Variants in RNGTT observed in about 807,000 individuals in gnomAD.
RNGTT encodes the protein mRNA-capping enzyme.
Under a neutral mutation model 79.3 loss-of-function variants are expected in RNGTT, and 33 were observed. That is an observed-to-expected ratio of 0.42 (90% confidence interval 0.32 to 0.56). The LOEUF (loss-of-function observed/expected upper bound fraction) is 0.56. RNGTT is among the 20% of genes least tolerant of loss of function. RNGTT has a pLI of 0.17. For missense variants in RNGTT, 497 were observed against 739.1 expected, an observed-to-expected ratio of 0.67 and a Z score of 3.80; for synonymous variants, 222 against 235.9, an observed-to-expected ratio of 0.94 and a Z score of 0.54.
intron 11 of RNGTT, among the ~76,000 whole-genome samples, chr6:88,819,731 T>C (rs1200579862): frequency 6.6e-6 from 1 of 152,108 alleles, no homozygotes; most frequent in Non-Finnish European, 1.5e-5. Context: ...ACTGACATTC[T>C]CTTCCACTCT....
chr6:88,926,049 T>G (rs1784309618), intron 4 of RNGTT, among the ~76,000 whole-genome samples: 1 of 152,228 alleles, frequency 6.6e-6, no homozygotes, highest in African/African-American at 2.4e-5. Flanking sequence ...GATTCTGTCT[T>G]TGGTGATATA....
chr6:88,771,313 GTGTATATATATATATATA>G (rs1324449861), intron 12 of RNGTT, among the ~76,000 whole-genome samples: 5 of 47,710 alleles, frequency 1.0e-4, no homozygotes, highest in African/African-American at 3.5e-4. Context: ...ATGTGTGTGT[GTGTATATATATATATATA>G]TATATATATA....
chr6:88,791,053 T>C (rs375375784), intron 12 of RNGTT, among the ~76,000 whole-genome samples: 15 of 152,142 alleles, frequency 9.9e-5, no homozygotes, highest in African/African-American at 3.6e-4. Flanking sequence ...AAAGAGACTT[T>C]GGTGGTATGA....
intron 13 of RNGTT, among the ~76,000 whole-genome samples, chr6:88,703,937 T>C (rs1013583602): frequency 6.6e-6 from 1 of 152,054 alleles, no homozygotes; most frequent in Non-Finnish European, 1.5e-5. Flanking sequence ...CAAACTTGCA[T>C]AGAGGCCAGT....
chr6:88,680,739 T>C (rs1775063089), intron 13 of RNGTT, among the ~76,000 whole-genome samples: 2 of 134,258 alleles, frequency 1.5e-5, no homozygotes, highest in Non-Finnish European at 3.2e-5. Flanking sequence ...CAAAACTCTA[T>C]CTCAAAAAAA....
chr6:88,845,020 G>GA (rs1405140707), intron 10 of RNGTT, among the ~76,000 whole-genome samples: 1 of 151,990 alleles, frequency 6.6e-6, no homozygotes, highest in African/African-American at 2.4e-5. Flanking sequence ...TTTTAAAATA[G>GA]AAAAAATATA....
At chr6:88,701,992 A>G (rs1775964346) in intron 13 of RNGTT, among the ~76,000 whole-genome samples, 1 of 152,152 alleles carries the variant, frequency 6.6e-6, no homozygotes, top group Admixed American at 6.5e-5. Flanking sequence ...AAAAAAACCT[A>G]TGAATACATC....
rs1222153127 is a variant in RNGTT, at chr6:88,879,239, CA to C, written c.896+11255del. Among the ~76,000 whole-genome samples the C allele has an allele frequency of 2.6e-5, 4 of 152,092 alleles. No individual in the cohort carries two copies. The East Asian group carries it at 7.7e-4, about 29-fold the overall frequency. On this transcript the variant is annotated intron_variant, in intron 8 of 15. Coordinates refer to ENST00000369485, the MANE Select transcript of RNGTT (RefSeq NM_003800.5). ...TGAAACCCTGTCTCTACTAAAAATG[CA>C]AAAAATAGACAGGTGTGGTGGCATG...
At chr6:88,925,879 T>C (rs1784303852) in intron 4 of RNGTT, among the ~76,000 whole-genome samples, 1 of 152,122 alleles carries the variant, frequency 6.6e-6, no homozygotes, top group Non-Finnish European at 1.5e-5. Flanking sequence ...CAAGACCCTG[T>C]CTCTTAAAAA....
chr6:88,856,729 G>T, intron 8 of RNGTT, among the ~76,000 whole-genome samples: 1 of 151,974 alleles, frequency 6.6e-6, no homozygotes, highest in African/African-American at 2.4e-5. Context: ...ATGTTCTTTT[G>T]TTATGCGATA....
intron 4 of RNGTT, among the ~76,000 whole-genome samples, chr6:88,927,870 T>C (rs2127952981): frequency 1.3e-5 from 2 of 150,654 alleles, no homozygotes; most frequent in Middle Eastern, 6.9e-3. Flanking sequence ...AAACTTTACA[T>C]TGCATCCTCA....
intron 13 of RNGTT, among the ~76,000 whole-genome samples, chr6:88,764,796 T>C (rs1778396026): frequency 6.6e-6 from 1 of 151,952 alleles, no homozygotes; most frequent in African/African-American, 2.4e-5. Context: ...ATTGAAAGAG[T>C]TGTACCAACT....
At chr6:88,929,430 G>C (rs1784417812) in intron 2 of RNGTT, among the ~76,000 whole-genome samples, 163 bp from the exon 3 acceptor site, 1 of 152,050 alleles carries the variant, frequency 6.6e-6, no homozygotes, top group Non-Finnish European at 1.5e-5. Context: ...ACTTATCAAA[G>C]TCTTATTCAA....
intron 8 of RNGTT, among the ~76,000 whole-genome samples, chr6:88,888,528 T>C (rs1318026673): frequency 6.6e-6 from 1 of 152,196 alleles, no homozygotes; most frequent in Non-Finnish European, 1.5e-5. Flanking sequence ...AAATTCTGTT[T>C]ATGGATCTAT....
chr6:88,669,362 G>A (rs532017246), intron 14 of RNGTT, among the ~76,000 whole-genome samples: 12 of 152,362 alleles, frequency 7.9e-5, no homozygotes, highest in African/African-American at 2.2e-4. Context: ...TGGGAGGCCC[G>A]AGAATTAGTG....
intron 14 of RNGTT, among the ~76,000 whole-genome samples, chr6:88,651,806 A>G (rs1773807947): frequency 6.6e-6 from 1 of 152,108 alleles, no homozygotes; most frequent in African/African-American, 2.4e-5. Flanking sequence ...TTACTGGCTA[A>G]TAACACTTAG....
intron 14 of RNGTT, among the ~76,000 whole-genome samples, chr6:88,621,855 T>G (rs1772453920): frequency 6.6e-6 from 1 of 152,262 alleles, no homozygotes; most frequent in Non-Finnish European, 1.5e-5. Context: ...CAGGCCAGTT[T>G]CAGTTGGCAT....
At chr6:88,932,813 A>G (rs1324151699) in intron 2 of RNGTT, among the ~76,000 whole-genome samples, 2 of 152,232 alleles carry the variant, frequency 1.3e-5, no homozygotes, top group African/African-American at 4.8e-5. Flanking sequence ...CCAGCAAGAT[A>G]GTCTCACTTA....
chr6:88,787,563 G>C (rs969595804), intron 12 of RNGTT, among the ~76,000 whole-genome samples: 13 of 152,108 alleles, frequency 8.5e-5, no homozygotes, highest in African/African-American at 3.1e-4. Context: ...GGAGGCTGAG[G>C]CTGGAGAATT....
Sources: allele counts gnomAD v4.1 joint callset (sites outside exome capture counted in the v4.1 genomes callset), GRCh38; gene constraint gnomAD v4.1.1; transcripts MANE v1.5; gene names NCBI Gene and HGNC (gene_info 2026-07-23, HGNC 2026-07-21).